TMEM132D: variants seen among roughly 807,000 people sequenced by gnomAD.
TMEM132D encodes the protein transmembrane protein 132D, also known as mature OL transmembrane protein.
TMEM132D carries 21 observed loss-of-function variants against 62.3 expected under a neutral mutation model. The ratio of observed to expected loss-of-function variants is 0.34; its 90% confidence interval spans 0.24 to 0.49. The LOEUF (loss-of-function observed/expected upper bound fraction) is 0.49, where lower values mean the gene tolerates loss of function less well. Among genes scored for constraint, TMEM132D ranks in the 20% least tolerant of loss-of-function variants. The pLI is 0.99. For missense variants in TMEM132D, 1,346 were observed against 1,402.8 expected, an observed-to-expected ratio of 0.96 and a Z score of 0.65; for synonymous variants, 621 against 575.6, an observed-to-expected ratio of 1.08 and a Z score of -1.13.
intron 3 of TMEM132D, among the ~76,000 whole-genome samples, chr12:129,345,023 CA>C (rs1420925880): frequency 6.6e-6 from 1 of 152,094 alleles, no homozygotes. Flanking sequence ...CTTTTTGTTT[CA>C]TTTCGCACAC....
intron 2 of TMEM132D, among the ~76,000 whole-genome samples, chr12:129,582,619 C>CT (rs1172876248): frequency 5.5e-5 from 3 of 54,076 alleles, no homozygotes; most frequent in African/African-American, 2.3e-4. Flanking sequence ...CATTTTCTTT[C>CT]TTTCTTTTTT....
chr12:129,176,978 C>T (rs190119400), intron 5 of TMEM132D, among the ~76,000 whole-genome samples: 10 of 152,326 alleles, frequency 6.6e-5, no homozygotes, highest in South Asian at 4.1e-4. Context: ...TGCCCCCAGC[C>T]GTCTTGACCG....
At position 129,465,253 on chromosome 12, in the gene TMEM132D, A is replaced by G. The variant is rs533925299; in HGVS notation, c.1115+65806T>C. 5.4e-4 allele frequency among the ~76,000 whole-genome samples: 83 copies of G among 152,318 alleles called. 1 individual carries two copies. The South Asian group carries it at 0.013, about 24-fold the overall frequency. ...AAGCAATAAAATTCAACAACCCTTC[A>G]TGCTAAAAACTCTTGATAAATTAAG... On this transcript the variant is annotated intron_variant, in intron 3 of 8. Coordinates refer to ENST00000422113, the MANE Select transcript of TMEM132D (RefSeq NM_133448.3).
chr12:129,461,177 G>T (rs1873656117), intron 3 of TMEM132D, among the ~76,000 whole-genome samples: 2 of 152,162 alleles, frequency 1.3e-5, no homozygotes, highest in South Asian at 4.2e-4. Flanking sequence ...GGGTGGAGGA[G>T]GGGAAGAATA....
intron 8 of TMEM132D, among the ~76,000 whole-genome samples, chr12:129,076,029 A>ATGGCTCT (rs778370858): frequency 3.6e-3 from 543 of 151,722 alleles, no homozygotes; most frequent in Non-Finnish European, 6.4e-3. Flanking sequence ...CAGCTGATTG[A>ATGGCTCT]AATGAGACAG....
intron 3 of TMEM132D, among the ~76,000 whole-genome samples, chr12:129,513,802 A>ATTT (rs546917620): frequency 7.8e-6 from 1 of 127,760 alleles, no homozygotes; most frequent in African/African-American, 2.8e-5. Flanking sequence ...ACCAATTTTT[A>ATTT]TTTTTATTTA....
rs183497286 is a variant in TMEM132D, at chr12:129,644,777, G to A, written c.968+55033C>T. Among the ~76,000 whole-genome samples the A allele has an allele frequency of 3.4e-3, 506 of 149,388 alleles. 4 individuals carry two copies. Among genetic ancestry groups the A allele is most frequent in the Admixed American group, 0.017 (248 of 14,876 alleles). ...GCAGATCACGAGGTCAGGAGATCACGACCATCCTGGCTAACATGGTGAAAC... is the reference window on the plus strand; with the variant it reads ...GCAGATCACGAGGTCAGGAGATCACAACCATCCTGGCTAACATGGTGAAAC... On this transcript the variant is annotated intron_variant, in intron 2 of 8. Transcript: ENST00000422113.
intron 5 of TMEM132D, among the ~76,000 whole-genome samples, chr12:129,207,221 TAAGTTCCA>T (rs1565997226): frequency 6.6e-6 from 1 of 151,500 alleles, no homozygotes; most frequent in African/African-American, 2.4e-5. Flanking sequence ...TCACGGAGCT[TAAGTTCCA>T]AGGAGGACAG....
chr12:129,333,387 G>T (rs548260970), intron 4 of TMEM132D, among the ~76,000 whole-genome samples: 1 of 152,186 alleles, frequency 6.6e-6, no homozygotes, highest in Non-Finnish European at 1.5e-5. Flanking sequence ...ATTTTTGTAC[G>T]AAAATATAAA....
intron 2 of TMEM132D, among the ~76,000 whole-genome samples, chr12:129,569,562 C>T (rs1003707675): frequency 2.0e-5 from 3 of 152,154 alleles, no homozygotes; most frequent in African/African-American, 7.2e-5. Flanking sequence ...GGTATTAAGA[C>T]ATTTTAGGAT....
intron 1 of TMEM132D, among the ~76,000 whole-genome samples, chr12:129,745,029 T>A (rs1217289915): frequency 6.6e-6 from 1 of 152,074 alleles, no homozygotes; most frequent in African/African-American, 2.4e-5. Flanking sequence ...GTTTGACTGT[T>A]CCTCCTACAC....
intron 4 of TMEM132D, among the ~76,000 whole-genome samples, chr12:129,327,939 C>T (rs1182961277): frequency 6.6e-6 from 1 of 152,220 alleles, no homozygotes; most frequent in African/African-American, 2.4e-5. Flanking sequence ...GAACTCATCT[C>T]CTTGTACCAT....
chr12:129,765,412 C>T (rs1272384689), intron 1 of TMEM132D, among the ~76,000 whole-genome samples: 1 of 151,932 alleles, frequency 6.6e-6, no homozygotes, highest in African/African-American at 2.4e-5. Context: ...ACTAAAAACA[C>T]AAAATTTGCC....
intron 4 of TMEM132D, among the ~76,000 whole-genome samples, chr12:129,235,087 C>T (rs1445488494): frequency 1.3e-5 from 2 of 152,116 alleles, no homozygotes; most frequent in Admixed American, 6.6e-5. Context: ...TCTTTGAGGG[C>T]GGACTACTAT....
At chr12:129,625,899 T>C (rs1160552125) in intron 2 of TMEM132D, among the ~76,000 whole-genome samples, 1 of 152,212 alleles carries the variant, frequency 6.6e-6, no homozygotes, top group Non-Finnish European at 1.5e-5. Flanking sequence ...AAAAATTAGA[T>C]ACACAATTCA....
At chr12:129,674,795 T>C (rs1057375686) in intron 2 of TMEM132D, among the ~76,000 whole-genome samples, 1 of 152,160 alleles carries the variant, frequency 6.6e-6, no homozygotes, top group African/African-American at 2.4e-5. Context: ...CACCTTGGCC[T>C]CCCAAAGGGC....
chr12:129,668,674 C>T (rs1941066494), intron 2 of TMEM132D, among the ~76,000 whole-genome samples: 2 of 152,130 alleles, frequency 1.3e-5, no homozygotes, highest in South Asian at 4.1e-4. Flanking sequence ...CATATTTGTT[C>T]CTCTCTACCT....
intron 4 of TMEM132D, chr12:129,210,197 C>G (rs770693752): frequency 6.5e-6 from 1 of 154,088 alleles, no homozygotes; most frequent in African/African-American, 2.4e-5. Flanking sequence ...CTTAAGCCGC[C>G]GAAGGATGGC....
intron 5 of TMEM132D, among the ~76,000 whole-genome samples, chr12:129,099,970 T>G (rs7486342): frequency 1.5e-5 from 2 of 129,042 alleles, no homozygotes; most frequent in South Asian, 4.4e-4. Context: ...GGACTACAGG[T>G]GCCCGCCACT....
Sources: allele counts gnomAD v4.1 joint callset (sites outside exome capture counted in the v4.1 genomes callset), GRCh38; gene constraint gnomAD v4.1.1; transcripts MANE v1.5; gene names NCBI Gene and HGNC (gene_info 2026-07-23, HGNC 2026-07-21).